Variants in TTC33 observed in about 807,000 individuals in gnomAD.
TTC33 encodes tetratricopeptide repeat protein 33.
In TTC33, 24 loss-of-function variants were observed where a neutral mutation model predicts 29.4. That is an observed-to-expected ratio of 0.82 (90% confidence interval 0.59 to 1.15). TTC33 has a LOEUF of 1.15. Ranked by LOEUF, TTC33 falls within the 50% of genes most tolerant of loss-of-function variation. The pLI is 0.00. For synonymous variants in TTC33, 107 were observed against 100.3 expected, an observed-to-expected ratio of 1.07 and a Z score of -0.40; for missense variants, 286 against 310.4, an observed-to-expected ratio of 0.92 and a Z score of 0.59.
intron 2 of TTC33, among the ~76,000 whole-genome samples, chr5:40,732,445 T>A (rs560400851): frequency 2.0e-5 from 3 of 151,712 alleles, no homozygotes; most frequent in South Asian, 4.2e-4. Context: ...GACCAATACT[T>A]TCTGTAACTA....
At chr5:40,726,955 G>C (rs1209996360) in intron 4 of TTC33, among the ~76,000 whole-genome samples, 1 of 152,062 alleles carries the variant, frequency 6.6e-6, no homozygotes, top group African/African-American at 2.4e-5. Context: ...GAGAGAAGTT[G>C]ACAGTGCTAA....
At chr5:40,732,827 T>C (rs1442814435) in intron 2 of TTC33, among the ~76,000 whole-genome samples, 5 of 152,038 alleles carry the variant, frequency 3.3e-5, no homozygotes, top group Admixed American at 6.6e-5. Flanking sequence ...AGGCTGGTCT[T>C]GAACTCTTGA....
chr5:40,717,081 T>C (rs1477593124), intron 4 of TTC33, among the ~76,000 whole-genome samples: 2 of 151,936 alleles, frequency 1.3e-5, no homozygotes, highest in South Asian at 2.1e-4. Context: ...ATACAAAAAT[T>C]AGCCAGGCAT....
chr5:40,732,305 C>A (rs952343379), intron 2 of TTC33, among the ~76,000 whole-genome samples: 2 of 152,146 alleles, frequency 1.3e-5, no homozygotes, highest in African/African-American at 4.8e-5. Context: ...GGGTGAGCCA[C>A]CATGCCTAGC....
chr5:40,732,562 TA>T (rs1486612017), intron 2 of TTC33, among the ~76,000 whole-genome samples: 1 of 152,000 alleles, frequency 6.6e-6, no homozygotes, highest in African/African-American at 2.4e-5. Flanking sequence ...TTATATGCTC[TA>T]CAGTACCCAG....
rs1299416630 is a variant in TTC33 at position 40,712,133 on chromosome 5, T to C, written c.*4012A>G. On this transcript the variant is annotated 3_prime_UTR_variant, in exon 5 of 5. Coordinates refer to ENST00000337702, the MANE Select transcript of TTC33 (RefSeq NM_012382.3). ...GATATCCTAATTCATTTCACATTCT[T>C]CCCTTCCAATTCAATCTAGAGTCAA... is the stretch of plus-strand genomic sequence containing the variant. Among the ~76,000 whole-genome samples, 3 of 152,130 alleles carry C rather than the reference T, an allele frequency of 2.0e-5. No individual in the cohort carries two copies. The highest frequency in any genetic ancestry group is 4.4e-5 in the Non-Finnish European group (3 of 68,002).
chr5:40,746,937 C>G lies in TTC33; in HGVS notation c.82G>C (p.Asp28His), dbSNP rs752808372. The G allele has an allele frequency of 3.1e-6, 5 of 1,614,244 alleles. No individual in the cohort carries two copies. In the East Asian group the frequency reaches 1.1e-4, roughly 36 times the overall value. The change falls in exon 2 of 5, where the codon GAT becomes CAT. Residue 28 changes from aspartate to histidine, a missense_variant. Asp to His is a moderately conservative substitution (Grantham distance 81). Transcript: ENST00000337702. The part of the protein sequence containing the change: ...TSQQFEAEAA[D>H]EKDVVDNDEG... ...TCGTTGTCAACTACATCCTTCTCAT[C>G]AGCAGCTTCAGCTTCAAACTGCTGG... is the stretch of plus-strand genomic sequence containing the variant.
intron 2 of TTC33, among the ~76,000 whole-genome samples, chr5:40,744,235 G>A (rs1742750349): frequency 6.6e-6 from 1 of 152,136 alleles, no homozygotes; most frequent in Non-Finnish European, 1.5e-5. Context: ...TACCACAAAT[G>A]AGAATTCACA....
At chr5:40,718,714 G>A (rs991929596) in intron 4 of TTC33, among the ~76,000 whole-genome samples, 10 of 151,592 alleles carry the variant, frequency 6.6e-5, no homozygotes, top group African/African-American at 2.4e-4. Flanking sequence ...CTTCAGCCTG[G>A]GCGACAGAGC....
At chr5:40,735,549 C>A (rs1355517519) in intron 2 of TTC33, among the ~76,000 whole-genome samples, 2 of 151,966 alleles carry the variant, frequency 1.3e-5, no homozygotes, top group Non-Finnish European at 2.9e-5. Flanking sequence ...TAGGATCCCA[C>A]GCAATCAAGA....
chr5:40,738,484 CAAT>C (rs1157898650), intron 2 of TTC33, among the ~76,000 whole-genome samples: 2 of 89,812 alleles, frequency 2.2e-5, no homozygotes, highest in Non-Finnish European at 4.5e-5. Flanking sequence ...CAATACAATA[CAAT>C]ACAATACAAT....
At chr5:40,733,027 G>GA (rs1184335660) in intron 2 of TTC33, among the ~76,000 whole-genome samples, 19 of 149,134 alleles carry the variant, frequency 1.3e-4, no homozygotes, top group African/African-American at 3.2e-4. Context: ...TAACACACAG[G>GA]AAAAAAAAAT....
intron 2 of TTC33, among the ~76,000 whole-genome samples, chr5:40,741,273 C>G (rs1205599974): frequency 6.6e-6 from 1 of 152,140 alleles, no homozygotes; most frequent in Non-Finnish European, 1.5e-5. Flanking sequence ...CTGAAGTAGC[C>G]TTCCCTCTAG....
At chr5:40,729,380 A>C (rs1316881887) in intron 3 of TTC33, among the ~76,000 whole-genome samples, 1 of 152,214 alleles carries the variant, frequency 6.6e-6, no homozygotes, top group Non-Finnish European at 1.5e-5. Flanking sequence ...AAATATGTTT[A>C]ATGCTCTGTG....
At chr5:40,739,866 GT>G (rs1742656636) in intron 2 of TTC33, among the ~76,000 whole-genome samples, 1 of 152,026 alleles carries the variant, frequency 6.6e-6, no homozygotes, top group Admixed American at 6.6e-5. Flanking sequence ...TTTTCATATA[GT>G]TTTTATACAT....
At chr5:40,730,070 T>A (rs750361526) in intron 3 of TTC33, among the ~76,000 whole-genome samples, 192 bp downstream of exon 3, 1 of 152,190 alleles carries the variant, frequency 6.6e-6, no homozygotes, top group Non-Finnish European at 1.5e-5. Context: ...GTTAACTTCA[T>A]TGTAAAGGCA....
At position 40,713,871 on chromosome 5, in the gene TTC33, A is replaced by C. The variant is rs1341431556; in HGVS notation, c.*2274T>G. Among the ~76,000 whole-genome samples the C allele has an allele frequency of 6.6e-6, 1 of 152,214 alleles. No individual in the cohort carries two copies. The highest frequency in any genetic ancestry group is 1.9e-4 in the East Asian group (1 of 5,204). On this transcript the variant is annotated 3_prime_UTR_variant, in exon 5 of 5. Coordinates refer to ENST00000337702, the MANE Select transcript of TTC33 (RefSeq NM_012382.3). Reference sequence around the variant, plus strand: ...TCTATGTTTGTATATCAGTATTCACATCCTTGTAAAATAATGGGTGCATTT... The same window carrying C: ...TCTATGTTTGTATATCAGTATTCACCTCCTTGTAAAATAATGGGTGCATTT...
intron 3 of TTC33, among the ~76,000 whole-genome samples, chr5:40,729,678 G>A (rs1045288059): frequency 2.0e-5 from 3 of 152,044 alleles, no homozygotes; most frequent in Non-Finnish European, 2.9e-5. Context: ...GCTCAACAGT[G>A]ACTTTTTATT....
chr5:40,714,062 A>AC lies in TTC33; in HGVS notation c.*2082dup, dbSNP rs776467020. 1.3e-5 allele frequency among the ~76,000 whole-genome samples: 2 copies of AC among 152,158 alleles called. No individual in the cohort carries two copies. The highest frequency in any genetic ancestry group is 4.8e-5 in the African/African-American group (2 of 41,456). The stretch of plus-strand genomic sequence containing the variant: ...GGTAAGAAAGAGACTAACTTGGCCT[A>AC]CCATGCCAGTACAGAGGAAACACTA... On this transcript the variant is annotated 3_prime_UTR_variant, in exon 5 of 5. Coordinates refer to ENST00000337702, the MANE Select transcript of TTC33 (RefSeq NM_012382.3).
Sources: gnomAD v4.1 joint callset for allele counts (sites outside exome capture counted in the v4.1 genomes callset) on GRCh38, gnomAD v4.1.1 for gene constraint, MANE v1.5 for transcripts, NCBI Gene and HGNC (gene_info 2026-07-23, HGNC 2026-07-21) for gene names.